The following MOV10L1 variants were observed in gnomAD, a reference collection of about 807,000 sequenced individuals.
MOV10L1 encodes RNA helicase Mov10l1.
Under a neutral mutation model 143.8 loss-of-function variants are expected in MOV10L1, and 110 were observed. That is an observed-to-expected ratio of 0.76 (90% CI 0.66 to 0.90). MOV10L1 has a LOEUF of 0.90. MOV10L1 is among the 40% of genes least tolerant of loss of function. The probability of loss-of-function intolerance (pLI) is 0.00; values close to 1 mark genes in which losing one functional copy is unlikely to be tolerated. For synonymous variants in MOV10L1, 593 were observed against 581.1 expected, an observed-to-expected ratio of 1.02 and a Z score of -0.29; for missense variants, 1,406 against 1,526.8, an observed-to-expected ratio of 0.92 and a Z score of 1.32.
At position 50,153,125 on chromosome 22, in the gene MOV10L1, C is replaced by G. The variant is rs200727511; in HGVS notation, c.2973C>G (p.Leu991=). ...CACGGCTGTTCTACCACAGGGAACT[C>G]GAGGTCTGTGCGGACCCCACAGTGG... ...LPSRLFYHRE[L]EVCADPTVVT... Residue 991 remains leucine (L), a synonymous_variant, in exon 22 of 27, where the codon CTC becomes CTG. Transcript: ENST00000262794. 4.0e-4 allele frequency: 642 copies of G among 1,613,864 alleles called. 1 individual carries two copies. The highest frequency in any genetic ancestry group is 5.1e-4 in the Non-Finnish European group (598 of 1,179,882).
intron 5 of MOV10L1, among the ~76,000 whole-genome samples, chr22:50,111,693 C>T (rs375837347): frequency 4.0e-5 from 6 of 151,670 alleles, no homozygotes; most frequent in African/African-American, 7.3e-5. Flanking sequence ...TTAATAGAGA[C>T]GGGGTTTCAC....
At position 50,145,584 on chromosome 22, in the gene MOV10L1, C is replaced by A. The variant is rs2063131036; in HGVS notation, c.2506-105C>A. 6 of 1,434,904 alleles carry A rather than the reference C, an allele frequency of 4.2e-6. No homozygotes were observed. The East Asian group carries it at 9.2e-5, about 22-fold the overall frequency. 88.9% of individuals were successfully genotyped at this position (1,434,904 alleles called of 1,614,324 possible). On this transcript the variant is annotated intron_variant, in intron 18 of 26. Transcript: ENST00000262794. ...ATATTTTGAGAAAAAAACCTTAAAT[C>A]ATGACTTAGACGTAACTAAGAAGTG...
chr22:50,150,003 T>A (rs1450331603), intron 20 of MOV10L1, among the ~76,000 whole-genome samples: 1 of 152,210 alleles, frequency 6.6e-6, no homozygotes, highest in Non-Finnish European at 1.5e-5. Flanking sequence ...AGCCGGCCGT[T>A]CAGTGCCTGG....
chr22:50,111,794 C>T (rs545201189), intron 5 of MOV10L1, among the ~76,000 whole-genome samples: 3 of 152,320 alleles, frequency 2.0e-5, no homozygotes, highest in South Asian at 2.1e-4. Flanking sequence ...TGAGCCACCA[C>T]GCCCGGCCCC....
intron 13 of MOV10L1, among the ~76,000 whole-genome samples, chr22:50,131,210 T>C (rs868720905): frequency 6.6e-6 from 1 of 152,124 alleles, no homozygotes; most frequent in Admixed American, 6.6e-5. Context: ...ACCCGGCCAC[T>C]GAACATCTTT....
At position 50,153,370 on chromosome 22, in the gene MOV10L1, C is replaced by A; in HGVS notation, c.3066+152C>A. The A allele has an allele frequency of 4.2e-6, 4 of 957,106 alleles. No homozygotes were observed. In the East Asian group the frequency reaches 7.7e-5, roughly 19 times the overall value. The allele number at this position is 957,106 out of a possible 1,614,324, so 59.3% of individuals were successfully genotyped here. A position where few individuals can be genotyped will look rare whatever the true frequency, so the allele number is the denominator to read the frequency against. On this transcript the variant is annotated intron_variant, in intron 22 of 26. Transcript: ENST00000262794. ...AGTGAAAAGCCATCGGGGGCTTGTG[C>A]CCCCCAAGATGGATGCTGACTTCTC...
chr22:50,120,570 T>C lies in MOV10L1; in HGVS notation c.1523T>C (p.Val508Ala). The stretch of plus-strand genomic sequence containing the variant: ...ATCCCAGATAGACTTAGAAAATGTG[T>C]GGAACAAAAAATTGACATCCTGACT... ...YPIPDRLRKC[V>A]EQKIDILTFQ... The change falls in exon 10 of 27, where the codon GTG becomes GCG. Residue 508 changes from valine to alanine, a missense_variant. Physicochemically the swap from Val to Ala is moderately conservative, Grantham distance 64. Transcript: ENST00000262794. The C allele has an allele frequency of 1.9e-6, 3 of 1,613,848 alleles. No homozygotes were observed. Among genetic ancestry groups the C allele is most frequent in the Non-Finnish European group, 2.5e-6 (3 of 1,179,834 alleles).
intron 19 of MOV10L1, among the ~76,000 whole-genome samples, chr22:50,146,455 A>G (rs1438856477): frequency 6.6e-6 from 1 of 152,004 alleles, no homozygotes; most frequent in Non-Finnish European, 1.5e-5. Flanking sequence ...AGGCACTCTC[A>G]GACCCCAGTG....
rs755579930 is a variant in MOV10L1, at chr22:50,090,067, C to CGGCG, written c.-22_-21insGGCG. 2 of 1,241,990 alleles carry CGGCG rather than the reference C, an allele frequency of 1.6e-6. No individual in the cohort carries two copies. The highest frequency in any genetic ancestry group is 2.9e-4 in the Middle Eastern group (1 of 3,468). 76.9% of individuals were successfully genotyped at this position (1,241,990 alleles called of 1,614,324 possible). A position where few individuals can be genotyped will look rare whatever the true frequency, so the allele number is the denominator to read the frequency against. On this transcript the variant is annotated 5_prime_UTR_variant, in exon 1 of 27. Transcript: ENST00000262794. ...CGGGCGGCGGCAGCGGCGGTGACGG[C>CGGCG]AGCCTAGGCCGGGCGAGGGCCATGC...
In MOV10L1 at chr22:50,143,158, G is replaced by A. The variant is rs757237701; in HGVS notation, c.2295G>A (p.Pro765=). The A allele has an allele frequency of 9.9e-6, 16 of 1,613,976 alleles. No homozygotes were observed. Among genetic ancestry groups the A allele is most frequent in the South Asian group, 4.4e-5 (4 of 91,082 alleles). Residue 765 remains proline (P), a synonymous_variant, in exon 17 of 27, where the codon CCG becomes CCA. Transcript: ENST00000262794. ...TGAGTGGTGACTGCCGTCCCCTCCC[G>A]TATATTCTCTTTGGACCTCCTGGTA... ...RILSGDCRPL[P]YILFGPPGTG...
chr22:50,090,538 G>A (rs763952958), intron 1 of MOV10L1: 132 of 1,602,188 alleles, frequency 8.2e-5, no homozygotes, highest in Non-Finnish European at 1.1e-4. Context: ...CCCGAAAAAC[G>A]CGGCCCCGCA....
At chr22:50,111,693 CG>C (rs1192605863) in intron 5 of MOV10L1, among the ~76,000 whole-genome samples, 2 of 151,670 alleles carry the variant, frequency 1.3e-5, no homozygotes, top group Non-Finnish European at 2.9e-5. Context: ...TTAATAGAGA[CG>C]GGGTTTCACC....
chr22:50,149,668 C>T lies in MOV10L1; in HGVS notation c.2681C>T (p.Pro894Leu), dbSNP rs1359700684. 6 of 1,613,938 alleles carry T rather than the reference C, an allele frequency of 3.7e-6. No individual in the cohort carries two copies. The highest frequency in any genetic ancestry group is 1.3e-5 in the African/African-American group (1 of 74,920). The change falls in exon 20 of 27, where the codon CCG (proline) becomes CTG (leucine). Residue 894 changes from proline to leucine, a missense_variant. Physicochemically the swap from Pro to Leu is moderately conservative, Grantham distance 98. This residue lies in a region of MOV10L1 where 1,233 missense variants were observed against 1,351.4 expected (regional missense o/e 0.91). Coordinates refer to ENST00000262794, the MANE Select transcript of MOV10L1 (RefSeq NM_018995.3). Reference protein sequence around the residue: ...FVDEAGQASEPECLIPLGLMS... With the variant: ...FVDEAGQASELECLIPLGLMS... ...GACGAGGCTGGGCAGGCAAGTGAGC[C>T]GGAATGCCTCATTCCTCTGGGGCTG...
chr22:50,113,583 C>A (rs77297773), intron 5 of MOV10L1, 65 bp from the exon 6 acceptor site: 2 of 1,574,756 alleles, frequency 1.3e-6, no homozygotes, highest in Non-Finnish European at 1.7e-6. Flanking sequence ...TCCTCAGGAG[C>A]GGAGGCAGGC....
At chr22:50,137,104 C>A (rs2062840540) in intron 15 of MOV10L1, among the ~76,000 whole-genome samples, 1 of 152,054 alleles carries the variant, frequency 6.6e-6, no homozygotes, top group Admixed American at 6.6e-5. Flanking sequence ...TTATCCAGCA[C>A]CCAGCAAGGT....
At chr22:50,161,201 TGCA>T in intron 26 of MOV10L1, 146 bp downstream of exon 26, 1 of 1,044,386 alleles carries the variant, frequency 9.6e-7, no homozygotes, top group Non-Finnish European at 1.4e-6. Flanking sequence ...CATCCTGGGC[TGCA>T]GCAGCCACTG....
intron 22 of MOV10L1, among the ~76,000 whole-genome samples, chr22:50,153,634 C>T (rs35138863): frequency 0.021 from 3,168 of 152,236 alleles, 56 homozygotes; most frequent in Middle Eastern, 0.045. Context: ...CAGGAGAGAG[C>T]CCGGCAGGGA....
chr22:50,153,223 G>C lies in MOV10L1; in HGVS notation c.3066+5G>C, dbSNP rs747689923. ...CTCATCTTCCATGGTGTGCGGGTGA[G>C]TTGTGTCTTGAATCCGTAGGTGACC... On this transcript the variant is annotated splice_donor_5th_base_variant and intron_variant, in intron 22 of 26. Coordinates refer to ENST00000262794, the MANE Select transcript of MOV10L1 (RefSeq NM_018995.3). 3 of 1,609,834 alleles carry C rather than the reference G, an allele frequency of 1.9e-6. No individual in the cohort carries two copies. Among genetic ancestry groups the C allele is most frequent in the Non-Finnish European group, 2.5e-6 (3 of 1,176,608 alleles).
At chr22:50,146,391 C>A (rs187751257) in intron 19 of MOV10L1, among the ~76,000 whole-genome samples, 2,067 of 152,098 alleles carry the variant, frequency 0.014, 25 homozygotes, top group Admixed American at 0.022. Flanking sequence ...AGGAGGACCT[C>A]CCCTGGGGGC....
Sources: allele counts gnomAD v4.1 joint callset (sites outside exome capture counted in the v4.1 genomes callset), GRCh38; gene constraint gnomAD v4.1.1; regional missense constraint gnomAD v4.1.1; transcripts MANE v1.5; gene names NCBI Gene and HGNC (gene_info 2026-07-23, HGNC 2026-07-21).